NIPBL: variants seen among roughly 807,000 people sequenced by gnomAD.
NIPBL encodes the protein NIPBL cohesin loading factor.
NIPBL carries 19 observed loss-of-function variants against 321.8 expected under a neutral mutation model. That is an observed-to-expected ratio of 0.06 (90% CI 0.04 to 0.09). The LOEUF (loss-of-function observed/expected upper bound fraction) is 0.09. NIPBL is among the 10% of genes least tolerant of loss of function. The probability of loss-of-function intolerance (pLI) is 1.00; values close to 1 mark genes in which losing one functional copy is unlikely to be tolerated. For synonymous variants in NIPBL, 1,106 were observed against 1,114.1 expected, an observed-to-expected ratio of 0.99 and a Z score of 0.14; for missense variants, 2,210 against 3,327.0, an observed-to-expected ratio of 0.66 and a Z score of 8.26.
At chr5:36,952,978 C>T (rs17313008) in intron 1 of NIPBL, among the ~76,000 whole-genome samples, 2,548 of 152,172 alleles carry the variant, frequency 0.017, 33 homozygotes, top group Non-Finnish European at 0.024. Context: ...TTCATGAAAT[C>T]GTGGGAACGT....
chr5:36,882,417 A>C (rs1310690247), intron 1 of NIPBL, among the ~76,000 whole-genome samples: 1 of 151,944 alleles, frequency 6.6e-6, no homozygotes, highest in Admixed American at 6.5e-5. Context: ...AGTTAGTTGT[A>C]TGAGAAAACT....
At chr5:37,033,705 C>CACACACAT (rs1415570935) in intron 32 of NIPBL, among the ~76,000 whole-genome samples, 4 of 80,240 alleles carry the variant, frequency 5.0e-5, no homozygotes, top group Non-Finnish European at 9.1e-5. Context: ...CACACACACA[C>CACACACAT]ATATATATAT....
Position 36,975,903 on chromosome 5 carries a change from C to A in NIPBL, c.996C>A (p.Gly332=). The A allele has an allele frequency of 6.2e-7, 1 of 1,612,154 alleles. No homozygotes were observed. The highest frequency in any genetic ancestry group is 1.1e-5 in the South Asian group (1 of 90,738). Residue 332 remains glycine (G), a synonymous_variant, in exon 9 of 47, where the codon GGC becomes GGA. Coordinates refer to ENST00000282516, the MANE Select transcript of NIPBL (RefSeq NM_133433.4). The part of the protein sequence containing the change: ...KQKKQKKMKL[G]KDEKEQSEKA... ...AGAAGCAGAAGAAAATGAAATTAGG[C>A]AAGGATGAAAAAGAGCAGAGTGAGA...
chr5:36,953,154 T>C (rs1740591463), intron 1 of NIPBL, among the ~76,000 whole-genome samples: 1 of 152,112 alleles, frequency 6.6e-6, no homozygotes, highest in South Asian at 2.1e-4. Context: ...TTATATAGGA[T>C]AATGATAAAA....
intron 1 of NIPBL, among the ~76,000 whole-genome samples, chr5:36,923,419 T>A (rs910555116): frequency 1.6e-4 from 24 of 152,224 alleles, no homozygotes; most frequent in Non-Finnish European, 2.9e-5. Flanking sequence ...GTTGAGGACA[T>A]TATCTTGATA....
intron 6 of NIPBL, 50 bp from the exon 7 acceptor site, chr5:36,970,826 G>T: frequency 1.4e-6 from 2 of 1,457,580 alleles, no homozygotes; most frequent in Non-Finnish European, 1.9e-6. Context: ...TATTCTCCAA[G>T]AATGTTAAGA....
intron 10 of NIPBL, among the ~76,000 whole-genome samples, chr5:36,990,751 T>G (rs1039433794): frequency 6.6e-6 from 1 of 152,172 alleles, no homozygotes; most frequent in Admixed American, 6.5e-5. Flanking sequence ...CAAATATTGC[T>G]TAAAAGAAAT....
rs549640256 is a variant in NIPBL at position 36,965,937 on chromosome 5, A to G, written c.610+3663A>G. Among the ~76,000 whole-genome samples, 6 of 152,180 alleles carry G rather than the reference A, an allele frequency of 3.9e-5. No individual in the cohort carries two copies. The East Asian group carries it at 9.6e-4, about 24-fold the overall frequency. On this transcript the variant is annotated intron_variant, in intron 6 of 46. Coordinates refer to ENST00000282516, the MANE Select transcript of NIPBL (RefSeq NM_133433.4). ...AAAGGTTGCATTTTTTTTCAACTTT[A>G]TATTACAAAAATTTAACCATGCAGA...
At chr5:37,030,223 A>G (rs1488651648) in intron 32 of NIPBL, among the ~76,000 whole-genome samples, 1 of 152,142 alleles carries the variant, frequency 6.6e-6, no homozygotes, top group Non-Finnish European at 1.5e-5. Flanking sequence ...CCATTTATTT[A>G]GTTAGTAAGT....
intron 1 of NIPBL, among the ~76,000 whole-genome samples, chr5:36,952,049 T>TGC (rs1440415600): frequency 9.3e-4 from 106 of 113,862 alleles, no homozygotes; most frequent in East Asian, 2.0e-3. Context: ...TGTGTGTGTG[T>TGC]GTGTGCGCGC....
At chr5:36,951,029 C>CAAA (rs1014713565) in intron 1 of NIPBL, among the ~76,000 whole-genome samples, 10 of 152,124 alleles carry the variant, frequency 6.6e-5, no homozygotes, top group African/African-American at 1.9e-4. Flanking sequence ...CAGTGAAGAT[C>CAAA]AAATATTTTT....
At chr5:36,921,144 A>G (rs1204402762) in intron 1 of NIPBL, among the ~76,000 whole-genome samples, 1 of 151,314 alleles carries the variant, frequency 6.6e-6, no homozygotes, top group East Asian at 1.9e-4. Flanking sequence ...TTCATCCTAC[A>G]CCACATTTTT....
chr5:36,957,662 T>A (rs1272515099), intron 3 of NIPBL, among the ~76,000 whole-genome samples: 4 of 152,136 alleles, frequency 2.6e-5, no homozygotes, highest in African/African-American at 7.2e-5. Context: ...TAATTATATT[T>A]CTCCCAGGGA....
intron 1 of NIPBL, among the ~76,000 whole-genome samples, chr5:36,924,152 C>G (rs1749170904): frequency 6.6e-6 from 1 of 152,136 alleles, no homozygotes; most frequent in South Asian, 2.1e-4. Flanking sequence ...CTTTGGATAA[C>G]AGCTATTTTC....
intron 1 of NIPBL, chr5:36,885,906 T>G (rs1745864807): frequency 2.7e-6 from 2 of 735,878 alleles, no homozygotes; most frequent in Non-Finnish European, 2.5e-6. Context: ...GGGTTGACCG[T>G]GAAGGTAGAT....
chr5:36,989,419 A>G lies in NIPBL; in HGVS notation c.3121+3118A>G, dbSNP rs142909086. Among the ~76,000 whole-genome samples the G allele has an allele frequency of 6.6e-5, 10 of 152,282 alleles. No homozygotes were observed. The East Asian group carries it at 1.5e-3, about 24-fold the overall frequency. ...GTCAGGCAGTGTAACTGTTTGTAGA[A>G]TTCTTTTTAAGTTCTTCAAATATCT... On this transcript the variant is annotated intron_variant, in intron 10 of 46. Coordinates refer to ENST00000282516, the MANE Select transcript of NIPBL (RefSeq NM_133433.4).
chr5:36,942,858 C>T (rs540464517), intron 1 of NIPBL, among the ~76,000 whole-genome samples: 24 of 151,570 alleles, frequency 1.6e-4, no homozygotes, highest in Admixed American at 6.6e-4. Context: ...TTTTTGAAAC[C>T]AATTGCACAA....
chr5:36,958,483 A>T (rs895085380), intron 4 of NIPBL, among the ~76,000 whole-genome samples: 1 of 152,272 alleles, frequency 6.6e-6, no homozygotes, highest in Non-Finnish European at 1.5e-5. Context: ...CAGCTTAAAA[A>T]TTTTTTTGTT....
intron 31 of NIPBL, among the ~76,000 whole-genome samples, chr5:37,026,606 T>TG (rs766974339): frequency 3.3e-5 from 5 of 152,152 alleles, no homozygotes; most frequent in South Asian, 2.1e-4. Context: ...AAAGGAGAAA[T>TG]GGAAGAACAG....
Sources: allele counts gnomAD v4.1 joint callset (sites outside exome capture counted in the v4.1 genomes callset), GRCh38; gene constraint gnomAD v4.1.1; transcripts MANE v1.5; gene names NCBI Gene and HGNC (gene_info 2026-07-23, HGNC 2026-07-21).